Variants in PLSCR4 observed in about 807,000 individuals in gnomAD.
PLSCR4 encodes phospholipid scramblase 4.
In PLSCR4, 25 loss-of-function variants were observed where a neutral mutation model predicts 36.3. The ratio of observed to expected loss-of-function variants is 0.69; its 90% confidence interval spans 0.50 to 0.96. The LOEUF is 0.96. PLSCR4 is among the 40% of genes least tolerant of loss of function. The probability of loss-of-function intolerance (pLI) is 0.00; values close to 1 mark genes in which losing one functional copy is unlikely to be tolerated. For synonymous variants in PLSCR4, 122 were observed against 132.9 expected (o/e 0.92, Z 0.56); for missense variants, 408 against 414.7 (o/e 0.98, Z 0.14).
chr3:146,197,415 G>T (rs909338122), intron 6 of PLSCR4, among the ~76,000 whole-genome samples: 4 of 152,094 alleles, frequency 2.6e-5, no homozygotes, highest in South Asian at 2.1e-4. Flanking sequence ...TCCTTCCTAG[G>T]AGTCTCATTT....
chr3:146,211,180 G>A (rs1576461970), intron 3 of PLSCR4, among the ~76,000 whole-genome samples: 1 of 152,028 alleles, frequency 6.6e-6, no homozygotes, highest in Non-Finnish European at 1.5e-5. Flanking sequence ...TTGCAAATAT[G>A]AGAGTTCTAC....
rs114790718 is a variant in PLSCR4 at position 146,196,309 on chromosome 3, G to A, written c.786+323C>T. The stretch of plus-strand genomic sequence containing the variant: ...CTATATTCCCAGCCTAGAAATCTAG[G>A]GAAAAAAATGGTTAATTACATATAG... On this transcript the variant is annotated intron_variant, in intron 7 of 8. Coordinates refer to ENST00000354952, the MANE Select transcript of PLSCR4 (RefSeq NM_020353.3). The A allele has an allele frequency of 6.9e-3, 1,636 of 238,650 alleles. 21 individuals are homozygous for A. Among genetic ancestry groups the A allele is most frequent in the African/African-American group, 0.035 (1,549 of 44,356 alleles). 14.8% of individuals were successfully genotyped at this position (238,650 alleles called of 1,614,324 possible).
chr3:146,194,498 A>T (rs2033604175), intron 8 of PLSCR4, 43 bp from the exon 9 acceptor site: 2 of 1,159,840 alleles, frequency 1.7e-6, no homozygotes, highest in East Asian at 4.7e-5. Flanking sequence ...ATAGATAATT[A>T]GGTATAATGC....
At chr3:146,224,715 G>A (rs895015036) in intron 1 of PLSCR4, among the ~76,000 whole-genome samples, 21 of 152,188 alleles carry the variant, frequency 1.4e-4, no homozygotes, top group Admixed American at 5.9e-4. Flanking sequence ...CGGGCAGCCT[G>A]CTTTTATTCT....
At chr3:146,245,282 A>T (rs1165413434) in intron 1 of PLSCR4, among the ~76,000 whole-genome samples, 1 of 152,072 alleles carries the variant, frequency 6.6e-6, no homozygotes, top group Non-Finnish European at 1.5e-5. Context: ...ATTTTACCCC[A>T]TTCAGATAAA....
chr3:146,216,405 G>A (rs551728707), intron 3 of PLSCR4, among the ~76,000 whole-genome samples: 37 of 152,116 alleles, frequency 2.4e-4, no homozygotes, highest in Admixed American at 2.2e-3. Flanking sequence ...CTGGAAGAAA[G>A]TCCTGTTAGA....
chr3:146,236,891 T>C (rs1006156060), intron 1 of PLSCR4, among the ~76,000 whole-genome samples: 5 of 152,134 alleles, frequency 3.3e-5, no homozygotes, highest in Admixed American at 1.3e-4. Flanking sequence ...AGATATACCA[T>C]GTATACACTA....
chr3:146,231,890 T>C (rs2035730490), intron 1 of PLSCR4, among the ~76,000 whole-genome samples: 1 of 152,238 alleles, frequency 6.6e-6, no homozygotes, highest in Non-Finnish European at 1.5e-5. Context: ...TTTGTTTTAG[T>C]TGCAATTGCT....
intron 3 of PLSCR4, among the ~76,000 whole-genome samples, chr3:146,214,953 T>C (rs1437491208): frequency 6.6e-6 from 1 of 152,170 alleles, no homozygotes; most frequent in Admixed American, 6.6e-5. Context: ...TTTGGAGCAT[T>C]GTTTTTATGT....
chr3:146,204,034 T>C (rs1295150745), intron 4 of PLSCR4, among the ~76,000 whole-genome samples: 1 of 152,048 alleles, frequency 6.6e-6, no homozygotes, highest in East Asian at 1.9e-4. Context: ...AATTGTTTCT[T>C]TCACTTGAAC....
intron 1 of PLSCR4, among the ~76,000 whole-genome samples, chr3:146,247,942 A>G (rs570629796): frequency 6.6e-6 from 1 of 152,196 alleles, no homozygotes; most frequent in Non-Finnish European, 1.5e-5. Context: ...AATTAAAAAC[A>G]ATTTTTTTCC....
intron 7 of PLSCR4, 120 bp from the exon 8 acceptor site, chr3:146,195,402 T>C: frequency 1.5e-5 from 12 of 821,350 alleles, no homozygotes; most frequent in Non-Finnish European, 1.9e-5. Context: ...ATTATATAAT[T>C]TGAAATGAGA....
rs112554944 is a variant in PLSCR4 at position 146,228,769 on chromosome 3, G to A, written c.-21-6677C>T. On this transcript the variant is annotated intron_variant, in intron 1 of 8. Coordinates refer to ENST00000354952, the MANE Select transcript of PLSCR4 (RefSeq NM_020353.3). ...TACTACAAAAATTGAGTATTTGTCT[G>A]TATTAGTACAGTACTTCATGGTATA... Among the ~76,000 whole-genome samples the A allele has an allele frequency of 5.7e-4, 87 of 152,190 alleles. 5 individuals carry two copies. The Middle Eastern group carries it at 0.01, about 18-fold the overall frequency.
At chr3:146,226,332 CCTT>C (rs1382184165) in intron 1 of PLSCR4, among the ~76,000 whole-genome samples, 1 of 152,170 alleles carries the variant, frequency 6.6e-6, no homozygotes, top group South Asian at 2.1e-4. Context: ...TTGAGTGTGA[CCTT>C]CTTCTAACTA....
At chr3:146,245,822 G>A (rs759711583) in intron 1 of PLSCR4, among the ~76,000 whole-genome samples, 1 of 151,954 alleles carries the variant, frequency 6.6e-6, no homozygotes, top group Non-Finnish European at 1.5e-5. Flanking sequence ...TAGTGAATCT[G>A]TAACTAAAAA....
chr3:146,243,312 T>C (rs1333664690), intron 1 of PLSCR4, among the ~76,000 whole-genome samples: 1 of 152,052 alleles, frequency 6.6e-6, no homozygotes, highest in Non-Finnish European at 1.5e-5. Context: ...ATACATCTCT[T>C]TCTTATCATC....
intron 1 of PLSCR4, among the ~76,000 whole-genome samples, chr3:146,225,165 GTGCT>G (rs2035394461): frequency 6.6e-6 from 1 of 151,778 alleles, no homozygotes; most frequent in Non-Finnish European, 1.5e-5. Context: ...TAAACACAGG[GTGCT>G]GATTGGTGTA....
chr3:146,234,899 G>A (rs1452654989), intron 1 of PLSCR4, among the ~76,000 whole-genome samples: 1 of 152,100 alleles, frequency 6.6e-6, no homozygotes, highest in Admixed American at 6.6e-5. Context: ...TAAATATCAT[G>A]GCAAAGACTT....
intron 3 of PLSCR4, among the ~76,000 whole-genome samples, chr3:146,214,620 T>C (rs1027205246): frequency 6.6e-6 from 1 of 152,128 alleles, no homozygotes; most frequent in African/African-American, 2.4e-5. Context: ...AAGAATATAC[T>C]CTACATGATT....
Sources: gnomAD v4.1 joint callset for allele counts (sites outside exome capture counted in the v4.1 genomes callset) on GRCh38, gnomAD v4.1.1 for gene constraint, MANE v1.5 for transcripts, NCBI Gene and HGNC (gene_info 2026-07-23, HGNC 2026-07-21) for gene names.